Variants in ILRUN observed in about 807,000 individuals in gnomAD.
ILRUN encodes inflammation and lipid regulator with UBA-like and NBR1-like domains, also known as protein ILRUN.
In ILRUN, 3 loss-of-function variants were observed where a neutral mutation model predicts 33.8. The observed-to-expected ratio is 0.09, with a 90% confidence interval of 0.04 to 0.23. The LOEUF (loss-of-function observed/expected upper bound fraction) is 0.23. Among genes scored for constraint, ILRUN ranks in the 10% least tolerant of loss-of-function variants. The pLI is 1.00. For missense variants in ILRUN, 210 were observed against 375.1 expected (o/e 0.56, Z 3.64); for synonymous variants, 124 against 138.9 (o/e 0.89, Z 0.75).
At chr6:34,618,957 G>A (rs544600411) in intron 3 of ILRUN, among the ~76,000 whole-genome samples, 2 of 152,320 alleles carry the variant, frequency 1.3e-5, no homozygotes, top group South Asian at 2.1e-4. Context: ...CAAGAGGACA[G>A]AGGACAGAGT....
chr6:34,621,789 G>T (rs1014847676), intron 3 of ILRUN, among the ~76,000 whole-genome samples: 6 of 152,082 alleles, frequency 3.9e-5, no homozygotes, highest in Admixed American at 6.5e-5. Context: ...TTGAACCCAG[G>T]GGGGCAGAGG....
At chr6:34,682,654 T>C (rs1200162725) in intron 1 of ILRUN, among the ~76,000 whole-genome samples, 1 of 151,944 alleles carries the variant, frequency 6.6e-6, no homozygotes, top group Non-Finnish European at 1.5e-5. Context: ...TTGTATTTTT[T>C]GTAGAGTTGG....
chr6:34,674,138 T>C (rs1036686757), intron 1 of ILRUN, among the ~76,000 whole-genome samples: 2 of 152,162 alleles, frequency 1.3e-5, no homozygotes, highest in East Asian at 3.8e-4. Context: ...GCAATTCTCC[T>C]GCCTCAGCCT....
At chr6:34,617,313 C>T in intron 3 of ILRUN, 2 of 312,232 alleles carry the variant, frequency 6.4e-6, no homozygotes, top group Non-Finnish European at 1.2e-5. Flanking sequence ...AGTATGCGCT[C>T]TCAAATTGAA....
At chr6:34,650,580 G>T (rs565362561) in intron 2 of ILRUN, among the ~76,000 whole-genome samples, 91 of 152,004 alleles carry the variant, frequency 6.0e-4, no homozygotes, top group African/African-American at 2.0e-3. Flanking sequence ...ACAGGCGCCT[G>T]CCACCATGCC....
chr6:34,673,749 C>T (rs1305108264), intron 1 of ILRUN, among the ~76,000 whole-genome samples: 1 of 151,974 alleles, frequency 6.6e-6, no homozygotes, highest in East Asian at 1.9e-4. Context: ...ATCACCTGTG[C>T]GCAGGAGGTC....
At chr6:34,607,070 T>C (rs1182154737) in intron 3 of ILRUN, among the ~76,000 whole-genome samples, 166 bp from the exon 4 acceptor site, 1 of 152,258 alleles carries the variant, frequency 6.6e-6, no homozygotes, top group Non-Finnish European at 1.5e-5. Context: ...TTGCATTGCA[T>C]GCATAGCTAC....
chr6:34,680,731 G>A (rs1048501140), intron 1 of ILRUN, among the ~76,000 whole-genome samples: 1 of 152,030 alleles, frequency 6.6e-6, no homozygotes, highest in Non-Finnish European at 1.5e-5. Context: ...GAGCCATCAC[G>A]ACTGGCCTAT....
At chr6:34,665,596 ATTT>A (rs923155183) in intron 1 of ILRUN, among the ~76,000 whole-genome samples, 9 of 151,876 alleles carry the variant, frequency 5.9e-5, no homozygotes, top group African/African-American at 2.2e-4. Flanking sequence ...GCTGTTTTTG[ATTT>A]TTTAATTATA....
intron 3 of ILRUN, among the ~76,000 whole-genome samples, chr6:34,631,837 C>T (rs1762252769): frequency 6.6e-6 from 1 of 151,744 alleles, no homozygotes; most frequent in Admixed American, 6.6e-5. Context: ...TGCACAACAC[C>T]ATAAATTTAC....
At chr6:34,637,861 C>CTGTTGTTGTTGTTGT (rs1333075451) in intron 3 of ILRUN, among the ~76,000 whole-genome samples, 1 of 102,010 alleles carries the variant, frequency 9.8e-6, no homozygotes, top group African/African-American at 4.3e-5. Flanking sequence ...GCTGCTGCTG[C>CTGTTGTTGTTGTTGT]TGCTGTTGTT....
intron 4 of ILRUN, among the ~76,000 whole-genome samples, chr6:34,594,900 T>G (rs2235571): frequency 0.088 from 13,450 of 152,210 alleles, 758 homozygotes; most frequent in East Asian, 0.32. Context: ...TGTTGTTGGG[T>G]GTGGTAAGGG....
intron 1 of ILRUN, among the ~76,000 whole-genome samples, chr6:34,693,957 T>C (rs1357416931): frequency 6.6e-6 from 1 of 152,062 alleles, no homozygotes; most frequent in Non-Finnish European, 1.5e-5. Context: ...TAGCTGGTAC[T>C]ACAGGTGCAT....
chr6:34,625,491 G>A (rs1762104867), intron 3 of ILRUN, among the ~76,000 whole-genome samples: 2 of 152,154 alleles, frequency 1.3e-5, no homozygotes. Context: ...TGTTCTCTTG[G>A]TCAGACATGC....
chr6:34,620,115 A>T (rs1447836400), intron 3 of ILRUN, among the ~76,000 whole-genome samples: 7 of 152,134 alleles, frequency 4.6e-5, no homozygotes. Context: ...AAAAATGAGT[A>T]CCCTATAGCA....
intron 1 of ILRUN, among the ~76,000 whole-genome samples, chr6:34,665,564 T>C (rs1321671787): frequency 6.6e-6 from 1 of 152,038 alleles, no homozygotes; most frequent in Non-Finnish European, 1.5e-5. Context: ...GGGATTATAG[T>C]AGGCGTGAGC....
At chr6:34,636,992 C>A (rs563707785) in intron 3 of ILRUN, among the ~76,000 whole-genome samples, 2 of 152,224 alleles carry the variant, frequency 1.3e-5, no homozygotes, top group East Asian at 3.9e-4. Flanking sequence ...CCTTTTTATT[C>A]ATTTTTAATA....
chr6:34,642,982 A>C (rs1472573529), intron 3 of ILRUN, among the ~76,000 whole-genome samples: 1 of 143,474 alleles, frequency 7.0e-6, no homozygotes, highest in African/African-American at 2.6e-5. Flanking sequence ...GACCAAGGAG[A>C]AAAAAAAAAA....
chr6:34,591,346 T>G (rs1187913348), intron 4 of ILRUN, among the ~76,000 whole-genome samples: 1 of 152,058 alleles, frequency 6.6e-6, no homozygotes, highest in African/African-American at 2.4e-5. Flanking sequence ...TTTTAAAAAA[T>G]TAGCCAGGCA....
Sources: gnomAD v4.1 joint callset for allele counts (sites outside exome capture counted in the v4.1 genomes callset) on GRCh38, gnomAD v4.1.1 for gene constraint, MANE v1.5 for transcripts, NCBI Gene and HGNC (gene_info 2026-07-23, HGNC 2026-07-21) for gene names.